SPHK2: variants seen among roughly 807,000 people sequenced by gnomAD.
SPHK2 encodes sphingosine kinase 2.
A neutral mutation model predicts 32.3 loss-of-function variants in SPHK2; 18 were observed. The observed-to-expected ratio is 0.56, with a 90% CI of 0.39 to 0.83. The LOEUF (loss-of-function observed/expected upper bound fraction) is 0.83. Ranked by LOEUF, SPHK2 falls within the 40% of genes least tolerant of loss-of-function variation. The pLI, the probability that SPHK2 is intolerant of heterozygous loss-of-function variation, is 0.00. For missense variants in SPHK2, 850 were observed against 908.7 expected (o/e 0.94, Z 0.83); for synonymous variants, 462 against 417.6 (o/e 1.11, Z -1.30).
In SPHK2 at chr19:48,628,889, G is replaced by A; in HGVS notation, c.1081G>A (p.Gly361Ser). Residue 361 changes from glycine (G) to serine (S), a missense_variant, in exon 7 of 7, where the codon GGC becomes AGC. Transcript: ENST00000245222. This position sits in a 1 kb window ranked among gnomAD's most constrained non-coding sequence, Gnocchi z 5.2. ...RALGSARFTL[G>S]TVLGLATLHT... ...CTTGGGCAGTGCCCGCTTCACACTG[G>A]GCACGGTGCTGGGCCTCGCCACACT... 1 of 1,613,636 alleles carries A rather than the reference G, an allele frequency of 6.2e-7. No individual in the cohort carries two copies. Among genetic ancestry groups the A allele is most frequent in the Non-Finnish European group, 8.5e-7 (1 of 1,180,028 alleles).
intron 3 of SPHK2, 106 bp from the exon 4 acceptor site, chr19:48,627,586 C>T: frequency 7.3e-7 from 1 of 1,376,426 alleles, no homozygotes; most frequent in Non-Finnish European, 9.8e-7. Context: ...CAGCAGGTCC[C>T]AGGGGCCAGC....
In SPHK2 at chr19:48,629,895, G is replaced by A. The variant is rs2030445598; in HGVS notation, c.*122G>A. On this transcript the variant is annotated 3_prime_UTR_variant, in exon 7 of 7. Transcript: ENST00000245222. ...GGCAGGGGCCCTGGCCCCGTCTCAGGATTGCGCTCGCTTTCATGGGACCAG... is the reference window on the plus strand; with the variant it reads ...GGCAGGGGCCCTGGCCCCGTCTCAGAATTGCGCTCGCTTTCATGGGACCAG... 1 of 1,442,662 alleles carries A rather than the reference G, an allele frequency of 6.9e-7. No individual in the cohort carries two copies. The highest frequency in any genetic ancestry group is 1.5e-5 in the South Asian group (1 of 66,862). 89.4% of individuals were successfully genotyped at this position (1,442,662 alleles called of 1,614,324 possible). A position where few individuals can be genotyped will look rare whatever the true frequency, so the allele number is the denominator to read the frequency against.
chr19:48,620,699 G>A (rs1355273511), intron 2 of SPHK2, 146 bp downstream of exon 2: 6 of 654,088 alleles, frequency 9.2e-6, no homozygotes, highest in South Asian at 4.1e-5. Flanking sequence ...CAAGGCCTGC[G>A]GATCACCTGA....
At chr19:48,620,902 C>CA in intron 2 of SPHK2, 1 of 180,140 alleles carries the variant, frequency 5.6e-6, no homozygotes, top group South Asian at 9.8e-5. Flanking sequence ...GCCTGGGTGA[C>CA]AGAGTGAGAC....
Position 48,628,100 on chromosome 19 carries a change from G to A in SPHK2, c.756+31G>A. The A allele has an allele frequency of 6.3e-7, 1 of 1,579,230 alleles. No individual in the cohort carries two copies. Among genetic ancestry groups the A allele is most frequent in the Non-Finnish European group, 8.6e-7 (1 of 1,158,700 alleles). On this transcript the variant is annotated intron_variant, in intron 5 of 6. Transcript: ENST00000245222. The surrounding 1 kb of genome is among the most constrained non-coding windows in gnomAD (Gnocchi z 5.2). ...GCAGGAGCACCCTGCCCCTAGCCCT[G>A]GGCCCTGGGGGACTATAGAGACTGC...
chr19:48,621,529 A>G (rs1355416250), intron 2 of SPHK2, among the ~76,000 whole-genome samples: 2 of 152,156 alleles, frequency 1.3e-5, no homozygotes, highest in Non-Finnish European at 1.5e-5. Context: ...GCCCTTCCAT[A>G]AGTGATTTCA....
At chr19:48,625,621 C>T (rs1310325375) in intron 2 of SPHK2, 1 of 1,504,828 alleles carries the variant, frequency 6.6e-7, no homozygotes, top group Non-Finnish European at 8.9e-7. Context: ...AGGCCTAGCA[C>T]CGTGATTGGC....
intron 2 of SPHK2, among the ~76,000 whole-genome samples, chr19:48,622,530 T>C (rs1203251594): frequency 6.6e-6 from 1 of 152,040 alleles, no homozygotes; most frequent in Non-Finnish European, 1.5e-5. Context: ...CTGTGTGACT[T>C]AGGCTCTATG....
chr19:48,629,992 A>G lies in SPHK2; in HGVS notation c.*219A>G. 1 of 1,391,568 alleles carries G rather than the reference A, an allele frequency of 7.2e-7. No individual in the cohort carries two copies. The highest frequency in any genetic ancestry group is 1.4e-5 in the African/African-American group (1 of 69,238). The allele number at this position is 1,391,568 out of a possible 1,614,324, so 86.2% of individuals were successfully genotyped here. A position where few individuals can be genotyped will look rare whatever the true frequency, so the allele number is the denominator to read the frequency against. ...CTCGTCCCGAGGGTAGTGCCTGATC[A>G]ATGAGGGCGGGGCCTGGCGTCTGAT... is the stretch of plus-strand genomic sequence containing the variant. On this transcript the variant is annotated 3_prime_UTR_variant, in exon 7 of 7. Transcript: ENST00000245222.
Position 48,620,417 on chromosome 19 carries a change from C to A in SPHK2, c.-98C>A. 9.4e-7 allele frequency: 1 copy of A among 1,061,464 alleles called. No individual in the cohort carries two copies. The highest frequency in any genetic ancestry group is 2.6e-5 in the East Asian group (1 of 39,158). 65.8% of individuals were successfully genotyped at this position (1,061,464 alleles called of 1,614,324 possible). ...TCCTCCACAGAGCTGAAGGTCAGGCCAGGACAGTGAGACCTGACTCCTTGC... is the reference window on the plus strand; with the variant it reads ...TCCTCCACAGAGCTGAAGGTCAGGCAAGGACAGTGAGACCTGACTCCTTGC... On this transcript the variant is annotated 5_prime_UTR_variant, in exon 2 of 7. Transcript: ENST00000245222.
At chr19:48,624,310 G>A (rs1974520676) in intron 2 of SPHK2, 1 of 152,480 alleles carries the variant, frequency 6.6e-6, no homozygotes. Flanking sequence ...CCTCGTATTG[G>A]TGCGGCCCAG....
chr19:48,627,959 C>A lies in SPHK2; in HGVS notation c.662-16C>A, dbSNP rs543623581. On this transcript the variant is annotated splice_polypyrimidine_tract_variant and intron_variant, in intron 4 of 6. Transcript: ENST00000245222. ...GGGTGGGACAGCCTGCCTAACAGCCCGGTATCCCACTTCAGAACGACAGAA... is the reference window on the plus strand; with the variant it reads ...GGGTGGGACAGCCTGCCTAACAGCCAGGTATCCCACTTCAGAACGACAGAA... The A allele has an allele frequency of 6.4e-7, 1 of 1,571,170 alleles. No individual in the cohort carries two copies. The highest frequency in any genetic ancestry group is 8.7e-7 in the Non-Finnish European group (1 of 1,155,798).
rs368491745 is a variant in SPHK2 at position 48,627,846 on chromosome 19, G to A, written c.661+5G>A. The stretch of plus-strand genomic sequence containing the variant: ...CCTTCAACCTCATCCAGACAGGTAA[G>A]GGCCAGTGAGAATGGGAGCTGGGGG... On this transcript the variant is annotated splice_donor_5th_base_variant and intron_variant, in intron 4 of 6. Transcript: ENST00000245222. The A allele has an allele frequency of 1.2e-6, 2 of 1,607,076 alleles. No individual in the cohort carries two copies. The highest frequency in any genetic ancestry group is 1.7e-6 in the Non-Finnish European group (2 of 1,176,272).
At chr19:48,622,290 C>T (rs1974440067) in intron 2 of SPHK2, among the ~76,000 whole-genome samples, 1 of 151,310 alleles carries the variant, frequency 6.6e-6, no homozygotes, top group Non-Finnish European at 1.5e-5. Context: ...AAATAAAGGA[C>T]TCAATCTCTT....
intron 2 of SPHK2, chr19:48,625,107 T>G: frequency 1.0e-6 from 1 of 999,888 alleles, no homozygotes; most frequent in Non-Finnish European, 1.2e-6. Context: ...TCTTGGCCCC[T>G]GCCCCTTGCA....
At chr19:48,621,199 C>T (rs976621031) in intron 2 of SPHK2, among the ~76,000 whole-genome samples, 1 of 152,180 alleles carries the variant, frequency 6.6e-6, no homozygotes, top group African/African-American at 2.4e-5. Context: ...CCTGCCTCAA[C>T]CTCCCAAGTA....
chr19:48,622,944 T>C (rs1459195382), intron 2 of SPHK2, among the ~76,000 whole-genome samples: 4 of 151,240 alleles, frequency 2.6e-5, no homozygotes, highest in Non-Finnish European at 1.5e-5. Flanking sequence ...TTTGTATTTT[T>C]AGTAGAGATG....
Position 48,628,647 on chromosome 19 carries a change from C to G in SPHK2, c.873-34C>G. On this transcript the variant is annotated intron_variant, in intron 6 of 6. Transcript: ENST00000245222. This position sits in a 1 kb window ranked among gnomAD's most constrained non-coding sequence, Gnocchi z 5.2. ...TTTCCCCAACCCCTGTTTGCTCCTT[C>G]CTTCTGTGTGTCCGTCCATCTCCGG... 1.9e-6 allele frequency: 3 copies of G among 1,600,292 alleles called. No homozygotes were observed. Among genetic ancestry groups the G allele is most frequent in the Non-Finnish European group, 2.6e-6 (3 of 1,176,090 alleles).
intron 2 of SPHK2, chr19:48,624,448 G>A (rs1202264364): frequency 6.6e-6 from 1 of 152,522 alleles, no homozygotes; most frequent in Non-Finnish European, 1.5e-5. Flanking sequence ...GGGTGCGGGG[G>A]TCGGGGCAGG....
Sources: allele counts gnomAD v4.1 joint callset (sites outside exome capture counted in the v4.1 genomes callset), GRCh38; gene constraint gnomAD v4.1.1; non-coding constraint Gnocchi (gnomAD v3.1); transcripts MANE v1.5; gene names NCBI Gene and HGNC (gene_info 2026-07-23, HGNC 2026-07-21).